The following KIAA1210 variants were observed in gnomAD, a reference collection of about 807,000 sequenced individuals.
The protein encoded by KIAA1210 is KIAA1210.
KIAA1210 carries 48 observed loss-of-function variants against 78.9 expected under a neutral mutation model. The observed-to-expected ratio is 0.61, with a 90% CI of 0.48 to 0.77. The LOEUF (loss-of-function observed/expected upper bound fraction) is 0.77. Among genes scored for constraint, KIAA1210 ranks in the 30% least tolerant of loss-of-function variants. KIAA1210 has a pLI of 0.00. For missense variants in KIAA1210, 1,108 were observed against 1,100.0 expected, an observed-to-expected ratio of 1.01 and a Z score of -0.10; for synonymous variants, 406 against 404.5, an observed-to-expected ratio of 1.00 and a Z score of -0.04.
At position 119,086,816 on chromosome X, in the gene KIAA1210, C is replaced by G. The variant is rs753829536; in HGVS notation, c.3886G>C (p.Val1296Leu). ...AGTCGAACTCCAAAAAGCTTTTCAA[C>G]ATCATCCTGATTGGATAGGTTTGCA... Reference protein sequence around the residue: ...QHANLSNQDDVEKLFGVRLKR... With the variant: ...QHANLSNQDDLEKLFGVRLKR... The change falls in exon 9 of 12, where the codon GTT becomes CTT. Residue 1296 changes from valine to leucine, a missense_variant. Physicochemically the swap from Val to Leu is conservative, Grantham distance 32. Coordinates refer to ENST00000691062, the MANE Select transcript of KIAA1210 (RefSeq NM_001394962.1). The G allele has an allele frequency of 1.7e-6, 2 of 1,209,615 alleles. No homozygotes were observed. The highest frequency in any genetic ancestry group is 2.2e-6 in the Non-Finnish European group (2 of 895,161).
At chrX:119,121,546 T>C (rs1198894708) in intron 2 of KIAA1210, among the ~76,000 whole-genome samples, 1 of 89,231 alleles carries the variant, frequency 1.1e-5, no homozygotes, top group Non-Finnish European at 2.2e-5. Flanking sequence ...GTGTGTCACA[T>C]GCCAGAAAAC....
At chrX:119,081,527 A>G in intron 11 of KIAA1210, 23 bp from the exon 12 acceptor site, 1 of 1,188,182 alleles carries the variant, frequency 8.4e-7, no homozygotes, top group Non-Finnish European at 1.1e-6. Context: ...CAAATAACAC[A>G]CAAGCAATAA....
intron 10 of KIAA1210, 27 bp from the exon 11 acceptor site, chrX:119,083,147 G>A: frequency 9.0e-7 from 1 of 1,112,867 alleles, no homozygotes; most frequent in Non-Finnish European, 1.2e-6. Context: ...AAAACAGAAA[G>A]CTTGTAAGTT....
At chrX:119,133,006 C>T (rs1166177739) in intron 2 of KIAA1210, among the ~76,000 whole-genome samples, 2 of 111,094 alleles carry the variant, frequency 1.8e-5, no homozygotes, top group Admixed American at 9.6e-5. Flanking sequence ...GGCTAAAGAG[C>T]CCTGGAGTTG....
At position 119,096,644 on chromosome X, in the gene KIAA1210, A is replaced by G. The variant is rs1325222648; in HGVS notation, c.696T>C (p.Thr232=). The change falls in exon 7 of 12, where the codon ACT becomes ACC. Residue 232 remains threonine, a synonymous_variant. Coordinates refer to ENST00000691062, the MANE Select transcript of KIAA1210 (RefSeq NM_001394962.1). ...TGGTAGAGGCAAGTGTGGCAAATGC[A>G]GTCAAGGACTGTGAGCAATCAGGTC... The part of the protein sequence containing the change: ...SSGPDCSQSL[T]AFATLASTSS... The G allele has an allele frequency of 1.7e-6, 2 of 1,208,353 alleles. No homozygotes were observed. Among genetic ancestry groups the G allele is most frequent in the Non-Finnish European group, 2.2e-6 (2 of 894,400 alleles).
intron 3 of KIAA1210, among the ~76,000 whole-genome samples, chrX:119,109,815 A>G (rs775746598): frequency 1.8e-5 from 2 of 111,791 alleles, no homozygotes; most frequent in Admixed American, 1.9e-4. Flanking sequence ...TTCACACAAG[A>G]GCTCTACAAT....
In KIAA1210 at chrX:119,106,596, C is replaced by A. The variant is rs930334330; in HGVS notation, c.493-1449G>T. ...AGAAGGGCTGAGGGACAGTCAAGCC[C>A]GTGAGCAGTAAGAAAAACTGTTTTG... On this transcript the variant is annotated intron_variant, in intron 5 of 11. Coordinates refer to ENST00000691062, the MANE Select transcript of KIAA1210 (RefSeq NM_001394962.1). Among the ~76,000 whole-genome samples the A allele has an allele frequency of 2.7e-5, 3 of 112,129 alleles. No individual in the cohort carries two copies. In the Admixed American group the frequency reaches 2.8e-4, roughly 11 times the overall value.
At chrX:119,147,368 C>T in intron 2 of KIAA1210, 1 of 951,166 alleles carries the variant, frequency 1.1e-6, no homozygotes. Context: ...CTTCCAGGGT[C>T]ATCAGGGAAG....
At chrX:119,129,042 AG>A (rs1319278403), upstream of KIAA1210, among the ~76,000 whole-genome samples, 2 of 111,976 alleles carry the variant, frequency 1.8e-5, no homozygotes, top group Non-Finnish European at 3.8e-5. Context: ...GTTAATTACT[AG>A]TTTTTTGTCT....
chrX:119,141,869 G>T (rs1929056914), intron 2 of KIAA1210, among the ~76,000 whole-genome samples: 1 of 112,741 alleles, frequency 8.9e-6, no homozygotes, highest in African/African-American at 3.2e-5. Flanking sequence ...GATGAAGGAA[G>T]TAGGTGGAAT....
At chrX:119,086,063 C>T (rs945689733) in intron 9 of KIAA1210, among the ~76,000 whole-genome samples, 1 of 112,471 alleles carries the variant, frequency 8.9e-6, no homozygotes, top group Non-Finnish European at 1.9e-5. Flanking sequence ...CAAAAGATCG[C>T]CTAGCTCTAA....
intron 2 of KIAA1210, among the ~76,000 whole-genome samples, chrX:119,142,350 A>T (rs1203356459): frequency 8.9e-6 from 1 of 112,271 alleles, no homozygotes; most frequent in African/African-American, 3.2e-5. Flanking sequence ...TGGGTAATTT[A>T]AAAAGAAAAG....
rs1929246887 is a variant in KIAA1210, at chrX:119,149,667, T to C, written c.289+624A>G. ...TCCTTTTGGAATTGCTTGCAATACG[T>C]AAACATATGCACATACAACATCCAA... On this transcript the variant is annotated intron_variant, in intron 1 of 13. Coordinates refer to the KIAA1210 transcript ENST00000402510. 2.7e-5 allele frequency among the ~76,000 whole-genome samples: 3 copies of C among 112,443 alleles called. No individual in the cohort carries two copies. In the Admixed American group the frequency reaches 2.8e-4, roughly 11 times the overall value.
chrX:119,143,780 A>T (rs1227915784), intron 2 of KIAA1210, among the ~76,000 whole-genome samples: 1 of 112,265 alleles, frequency 8.9e-6, no homozygotes, highest in Non-Finnish European at 1.9e-5. Context: ...AGGGCAACCT[A>T]TGTGTGCCTG....
At chrX:119,086,524 TC>T in intron 9 of KIAA1210, 21 bp downstream of exon 9, 1 of 1,165,225 alleles carries the variant, frequency 8.6e-7, no homozygotes, top group East Asian at 3.0e-5. Flanking sequence ...CTGCTTGCCA[TC>T]TGGAGAGATA....
chrX:119,138,305 G>A (rs1277913740), intron 2 of KIAA1210, among the ~76,000 whole-genome samples: 3 of 90,277 alleles, frequency 3.3e-5, no homozygotes, highest in African/African-American at 1.3e-4. Flanking sequence ...TGCAAACTCC[G>A]CCTCCCGGGT....
intron 1 of KIAA1210, among the ~76,000 whole-genome samples, chrX:119,148,393 TTTG>T (rs1195544785): frequency 9.0e-6 from 1 of 111,725 alleles, no homozygotes; most frequent in Non-Finnish European, 1.9e-5. Flanking sequence ...TGGGGCCCAC[TTTG>T]TTTACTCTTA....
In KIAA1210 at chrX:119,088,861, C is replaced by T. The variant is rs1410279324; in HGVS notation, c.1841G>A (p.Gly614Glu). 2 of 1,211,139 alleles carry T rather than the reference C, an allele frequency of 1.7e-6. No homozygotes were observed. Among genetic ancestry groups the T allele is most frequent in the East Asian group, 3.0e-5 (1 of 33,854 alleles). Reference sequence around the variant, plus strand: ...ATGAGCCAGTTCTTCAGAACCATCCCCCTCCTCAGGAATATTCTCTGAATC... The same window carrying T: ...ATGAGCCAGTTCTTCAGAACCATCCTCCTCCTCAGGAATATTCTCTGAATC... Reference protein sequence around the residue: ...SSDSENIPEEGDGSEELAHGH... With the variant: ...SSDSENIPEEEDGSEELAHGH... Residue 614 changes from glycine to glutamate, a missense_variant, in exon 9 of 12, where the codon GGG becomes GAG. This residue lies in a region of KIAA1210 where 672 missense variants were observed against 607.1 expected (regional missense o/e 1.11). Coordinates refer to ENST00000691062, the MANE Select transcript of KIAA1210 (RefSeq NM_001394962.1).
intron 3 of KIAA1210, among the ~76,000 whole-genome samples, chrX:119,113,885 G>T (rs1928166576): frequency 1.8e-5 from 2 of 111,519 alleles, no homozygotes; most frequent in East Asian, 5.6e-4. Flanking sequence ...AACAACCTTT[G>T]TATGATTCCA....
Sources: allele counts gnomAD v4.1 joint callset (sites outside exome capture counted in the v4.1 genomes callset), GRCh38; gene constraint gnomAD v4.1.1; regional missense constraint gnomAD v4.1.1; transcripts MANE v1.5; gene names NCBI Gene and HGNC (gene_info 2026-07-23, HGNC 2026-07-21).